The following KCND1 variants were observed in gnomAD, a reference collection of about 807,000 sequenced individuals.
The protein encoded by KCND1 is A-type voltage-gated potassium channel KCND1.
KCND1 carries 11 observed loss-of-function variants against 31.8 expected under a neutral mutation model. That is an observed-to-expected ratio of 0.35 (90% CI 0.22 to 0.57). KCND1 has a LOEUF of 0.57. KCND1 is among the 20% of genes least tolerant of loss of function. The probability of loss-of-function intolerance (pLI) is 0.85; values close to 1 mark genes in which losing one functional copy is unlikely to be tolerated. For missense variants in KCND1, 471 were observed against 596.8 expected, an observed-to-expected ratio of 0.79 and a Z score of 2.20; for synonymous variants, 234 against 248.1, an observed-to-expected ratio of 0.94 and a Z score of 0.53.
chrX:48,968,919 T>C (rs1219110285), intron 1 of KCND1, among the ~76,000 whole-genome samples: 1 of 111,756 alleles, frequency 8.9e-6, no homozygotes, highest in African/African-American at 3.3e-5. Flanking sequence ...CTGGGCATGG[T>C]GGCGTGTACC....
chrX:48,967,526 C>T (rs1183441714), intron 1 of KCND1: 3 of 132,679 alleles, frequency 2.3e-5, no homozygotes, highest in Non-Finnish European at 4.5e-5. Flanking sequence ...CCTTTTCATT[C>T]CCCTATAGGG....
rs1557058762 is a variant in KCND1 at position 48,970,228 on chromosome X, G to A, written c.44C>T (p.Ala15Val). ...GGCCAGGGGCAGCCAGCCCACTGCTGCTGCCCGAGCAAAAGGCAGCCACGT... is the reference window on the plus strand; with the variant it reads ...GGCCAGGGGCAGCCAGCCCACTGCTACTGCCCGAGCAAAAGGCAGCCACGT... ...LATWLPFARA[A>V]AVGWLPLAQQ... is the part of the protein sequence containing the mutation. Residue 15 changes from alanine to valine, a missense_variant, in exon 1 of 6, where the codon GCA becomes GTA. Physicochemically the swap from Ala to Val is moderately conservative, Grantham distance 64. Coordinates refer to ENST00000218176, the MANE Select transcript of KCND1 (RefSeq NM_004979.6). 5.0e-6 allele frequency: 6 copies of A among 1,205,026 alleles called. No homozygotes were observed. The highest frequency in any genetic ancestry group is 6.7e-6 in the Non-Finnish European group (6 of 892,609).
chrX:48,964,569 T>C (rs1004071350), intron 5 of KCND1, among the ~76,000 whole-genome samples: 1 of 108,388 alleles, frequency 9.2e-6, no homozygotes, highest in African/African-American at 3.4e-5. Context: ...TATAAAAAAC[T>C]AGCTGGGTAT....
intron 5 of KCND1, among the ~76,000 whole-genome samples, chrX:48,965,347 G>A (rs920651592): frequency 9.0e-6 from 1 of 111,595 alleles, no homozygotes; most frequent in South Asian, 3.8e-4. Flanking sequence ...CACTGCGCCC[G>A]GCCTGCTCTA....
Position 48,969,710 on chromosome X carries a change from A to G in KCND1, c.562T>C (p.Phe188Leu). 1 of 1,208,933 alleles carries G rather than the reference A, an allele frequency of 8.3e-7. No homozygotes were observed. The highest frequency in any genetic ancestry group is 1.1e-6 in the Non-Finnish European group (1 of 894,446). The change falls in exon 1 of 6, where the codon TTC (phenylalanine) becomes CTC (leucine). Residue 188 changes from phenylalanine (F) to leucine (L), a missense_variant. Around this residue, in one of 3 missense-constraint regions of KCND1, gnomAD observed 212 missense variants for 257.9 expected, o/e 0.82. Coordinates refer to ENST00000218176, the MANE Select transcript of KCND1 (RefSeq NM_004979.6). Reference protein sequence around the residue: ...NPHTSTAALVFYYVTGFFIAV... With the variant: ...NPHTSTAALVLYYVTGFFIAV... ...ATGAAGAAGCCGGTCACATAGTAGA[A>G]AACGAGGGCTGCGGTGCTCGTGTGT...
chrX:48,966,539 C>T (rs782155864), intron 4 of KCND1, 39 bp downstream of exon 4: 7 of 1,128,088 alleles, frequency 6.2e-6, no homozygotes, highest in Non-Finnish European at 7.3e-6. Flanking sequence ...GCAGAGGGAC[C>T]CCCTCTATTC....
At chrX:48,965,813 C>T (rs1318698694) in intron 5 of KCND1, among the ~76,000 whole-genome samples, 1 of 108,063 alleles carries the variant, frequency 9.3e-6, no homozygotes, top group African/African-American at 3.4e-5. Flanking sequence ...GAGGTGGAGG[C>T]TGCAGCGAGC....
chrX:48,966,544 C>A, intron 4 of KCND1, 34 bp downstream of exon 4: 1 of 1,158,245 alleles, frequency 8.6e-7, no homozygotes, highest in Non-Finnish European at 1.2e-6. Flanking sequence ...GGGACCCCCT[C>A]TATTCTGCTA....
intron 3 of KCND1, 23 bp from the exon 4 acceptor site, chrX:48,966,699 A>G: frequency 8.3e-7 from 1 of 1,204,022 alleles, no homozygotes; most frequent in Non-Finnish European, 1.1e-6. Context: ...GAGCAGAGCG[A>G]TAAGGGCAGC....
rs1557058991 is a variant in KCND1 at position 48,971,747 on chromosome X, C to T, written c.-1476G>A. Among the ~76,000 whole-genome samples the T allele has an allele frequency of 9.0e-6, 1 of 111,066 alleles. No individual in the cohort carries two copies. Among genetic ancestry groups the T allele is most frequent in the East Asian group, 2.9e-4 (1 of 3,492 alleles). ...TCTCTCGGGGCGTCCTCACCTGTGT[C>T]CCCGCTGCAGGAGCAGCAACAGCGG... is the stretch of plus-strand genomic sequence containing the variant. On this transcript the variant is annotated 5_prime_UTR_variant, in exon 1 of 6. Coordinates refer to ENST00000218176, the MANE Select transcript of KCND1 (RefSeq NM_004979.6).
Position 48,969,876 on chromosome X carries a change from G to A in KCND1, c.396C>T (p.Cys132=). 1 of 1,211,507 alleles carries A rather than the reference G, an allele frequency of 8.3e-7. No individual in the cohort carries two copies. The highest frequency in any genetic ancestry group is 1.1e-6 in the Non-Finnish European group (1 of 895,322). Residue 132 remains cysteine, a synonymous_variant, in exon 1 of 6, where the codon TGC becomes TGT. Transcript: ENST00000218176. ...TCTTTCGGTCCCGATACTCTTCAAG[G>A]CAGCAGTCACCGACTAGCTCGGGAA... ...GLVPELVGDC[C]LEEYRDRKKE...
Position 48,967,094 on chromosome X carries a change from C to T in KCND1, c.1134G>A (p.Met378Ile), listed in dbSNP as rs1557058164. 8.3e-7 allele frequency: 1 copy of T among 1,210,349 alleles called. No individual in the cohort carries two copies. Among genetic ancestry groups the T allele is most frequent in the Non-Finnish European group, 1.1e-6 (1 of 894,910 alleles). ...TCTTGCCAGCAATGGTGCTGGGCAC[C>T]ATGTCTCCGTAGCTGGAGCGAGGGG... ...VTMTTLGYGD[M>I]VPSTIAGKIF... is the part of the protein sequence containing the mutation. The change falls in exon 2 of 6, where the codon ATG becomes ATA. Residue 378 changes from methionine (M) to isoleucine (I), a missense_variant. Coordinates refer to ENST00000218176, the MANE Select transcript of KCND1 (RefSeq NM_004979.6).
rs782585734 is a variant in KCND1, at chrX:48,966,659, C to A, written c.1386G>T (p.Glu462Asp). 1 of 1,207,218 alleles carries A rather than the reference C, an allele frequency of 8.3e-7. No homozygotes were observed. The highest frequency in any genetic ancestry group is 1.8e-5 in the African/African-American group (1 of 56,769). Residue 462 changes from glutamate to aspartate, a missense_variant, in exon 4 of 6, where the codon GAG (glutamate) becomes GAT (aspartate). This residue lies in a region of KCND1 where 185 missense variants were observed against 184.7 expected (regional missense o/e 1.00). Coordinates refer to ENST00000218176, the MANE Select transcript of KCND1 (RefSeq NM_004979.6). ...GGTTCCTGACACAAAGAGCCTGTTCCTCGCCACTGCCGCTGTCCTGGAGTA... is the reference window on the plus strand; with the variant it reads ...GGTTCCTGACACAAAGAGCCTGTTCATCGCCACTGCCGCTGTCCTGGAGTA... ...NGGLEDSGSG[E>D]EQALCVRNRS...
At position 48,966,036 on chromosome X, in the gene KCND1, A is replaced by C; in HGVS notation, c.1718+19T>G. 9.1e-6 allele frequency: 11 copies of C among 1,203,053 alleles called. No individual in the cohort carries two copies. Among genetic ancestry groups the C allele is most frequent in the Non-Finnish European group, 1.2e-5 (11 of 889,866 alleles). ...CTGAGCTTCCCCAGGTGTGGCTAGCAGGTAGGAGGGCTGCTTACCTCTGAG... is the reference window on the plus strand; with the variant it reads ...CTGAGCTTCCCCAGGTGTGGCTAGCCGGTAGGAGGGCTGCTTACCTCTGAG... On this transcript the variant is annotated intron_variant, in intron 5 of 5. Transcript: ENST00000218176.
At chrX:48,968,071 C>G (rs2064363895) in intron 1 of KCND1, 2 of 111,679 alleles carry the variant, frequency 1.8e-5, no homozygotes, top group Non-Finnish European at 3.8e-5. Flanking sequence ...CCTGGACCTC[C>G]AACCAGAATT....
intron 5 of KCND1, 66 bp from the exon 6 acceptor site, chrX:48,962,872 C>T: frequency 7.3e-6 from 7 of 955,984 alleles, no homozygotes; most frequent in Non-Finnish European, 1.0e-5. Flanking sequence ...TGCGGTGGCT[C>T]ATGCCTGTAA....
At chrX:48,964,323 C>T (rs2064338755) in intron 5 of KCND1, among the ~76,000 whole-genome samples, 1 of 111,415 alleles carries the variant, frequency 9.0e-6, no homozygotes. Context: ...TTGAGACCAG[C>T]CTGGCCAACA....
rs2064354304 is a variant in KCND1 at position 48,966,519 on chromosome X, T to C, written c.1467+59A>G. ...GAGCCTCCCATCCAAGGGAGAGAGCTGGCATGGCCGCAGAGGGACCCCCTC... is the reference window on the plus strand; with the variant it reads ...GAGCCTCCCATCCAAGGGAGAGAGCCGGCATGGCCGCAGAGGGACCCCCTC... On this transcript the variant is annotated intron_variant, in intron 4 of 5. Transcript: ENST00000218176. The C allele has an allele frequency of 5.5e-6, 6 of 1,090,888 alleles. No individual in the cohort carries two copies. The Admixed American group carries it at 1.5e-4, about 27-fold the overall frequency. 89.9% of individuals were successfully genotyped at this position (1,090,888 alleles called of 1,213,427 possible). A position where few individuals can be genotyped will look rare whatever the true frequency, so the allele number is the denominator to read the frequency against.
chrX:48,970,323 A>T lies in KCND1; in HGVS notation c.-52T>A. On this transcript the variant is annotated 5_prime_UTR_variant, in exon 1 of 6. Transcript: ENST00000218176. ...CTTAGTGAGGGTGGCGTTTAGGAGA[A>T]TGTGGCTGTCTCCAGGATGGTGGGG... 1 of 1,105,574 alleles carries T rather than the reference A, an allele frequency of 9.0e-7. No homozygotes were observed. Among genetic ancestry groups the T allele is most frequent in the Non-Finnish European group, 1.2e-6 (1 of 827,903 alleles). 91.1% of individuals were successfully genotyped at this position (1,105,574 alleles called of 1,213,427 possible).
Sources: gnomAD v4.1 joint callset for allele counts (sites outside exome capture counted in the v4.1 genomes callset) on GRCh38, gnomAD v4.1.1 for gene constraint, gnomAD v4.1.1 regional missense constraint, MANE v1.5 for transcripts, NCBI Gene and HGNC (gene_info 2026-07-23, HGNC 2026-07-21) for gene names.